The following RAB36 variants were observed in gnomAD, a reference collection of about 807,000 sequenced individuals.
RAB36 encodes the protein ras-related protein Rab-36.
RAB36 carries 33 observed loss-of-function variants against 39.3 expected under a neutral mutation model. That is an observed-to-expected ratio of 0.84 (90% CI 0.64 to 1.12). RAB36 has a LOEUF of 1.12. RAB36 is among the 50% of genes most tolerant of loss of function. The pLI is 0.00. For synonymous variants in RAB36, 133 were observed against 140.2 expected, an observed-to-expected ratio of 0.95 and a Z score of 0.36; for missense variants, 308 against 355.3, an observed-to-expected ratio of 0.87 and a Z score of 1.07.
At chr22:23,147,455 G>A (rs1040168082) in intron 2 of RAB36, among the ~76,000 whole-genome samples, 3 of 151,852 alleles carry the variant, frequency 2.0e-5, no homozygotes, top group African/African-American at 7.3e-5. Context: ...TCAGCCTCCC[G>A]GAGTAGCTAG....
chr22:23,145,527 G>A lies in RAB36; in HGVS notation c.-37G>A. On this transcript the variant is annotated 5_prime_UTR_variant, in exon 1 of 11. Transcript: ENST00000263116. ...GCTCAGGCGGACCAGGCCGCGCGGA[G>A]CCCCAGCTTTCACAGCCATCGCTGG... 6.2e-7 allele frequency: 1 copy of A among 1,603,404 alleles called. No homozygotes were observed. The highest frequency in any genetic ancestry group is 8.5e-7 in the Non-Finnish European group (1 of 1,179,388).
intron 7 of RAB36, among the ~76,000 whole-genome samples, chr22:23,158,576 C>T (rs780865053): frequency 7.9e-5 from 12 of 152,208 alleles, no homozygotes; most frequent in Non-Finnish European, 1.5e-4. Context: ...CTTCCAAACC[C>T]CGTGAGGGAG....
intron 5 of RAB36, among the ~76,000 whole-genome samples, chr22:23,155,629 A>G (rs1295107968): frequency 6.6e-6 from 1 of 152,238 alleles, no homozygotes; most frequent in Non-Finnish European, 1.5e-5. Flanking sequence ...GTGGACTGCT[A>G]CATCTTCAGA....
At chr22:23,150,030 G>A (rs1319390295) in intron 2 of RAB36, 33 bp from the exon 3 acceptor site, 1 of 1,534,476 alleles carries the variant, frequency 6.5e-7, no homozygotes, top group Non-Finnish European at 8.9e-7. Context: ...CAGCTTTGCA[G>A]GATGATGTGT....
chr22:23,153,444 A>T, intron 5 of RAB36: 1 of 428,032 alleles, frequency 2.3e-6, no homozygotes, highest in Non-Finnish European at 3.1e-6. Context: ...TCCCTGACCT[A>T]GGCCTCCTGT....
Position 23,161,646 on chromosome 22 carries a change from C to A in RAB36, c.*82C>A. ...TGACTGTGGTGTGGAGACTGGAGCC[C>A]AAGCTCTGCAGCGTGTCGCCCTCAA... On this transcript the variant is annotated 3_prime_UTR_variant, in exon 11 of 11. Coordinates refer to ENST00000263116, the MANE Select transcript of RAB36 (RefSeq NM_004914.5). 8.1e-7 allele frequency: 1 copy of A among 1,236,588 alleles called. No individual in the cohort carries two copies. The highest frequency in any genetic ancestry group is 1.4e-5 in the South Asian group (1 of 73,832). The allele number at this position is 1,236,588 out of a possible 1,614,324, so 76.6% of individuals were successfully genotyped here.
intron 5 of RAB36, 112 bp downstream of exon 5, chr22:23,153,246 C>A: frequency 1.2e-6 from 1 of 822,008 alleles, no homozygotes; most frequent in Non-Finnish European, 2.0e-6. Context: ...TCTAGACAAG[C>A]AGAGCCTGGG....
At chr22:23,145,652 T>C in intron 1 of RAB36, 101 bp downstream of exon 1, 1 of 1,302,164 alleles carries the variant, frequency 7.7e-7, no homozygotes, top group Admixed American at 2.4e-5. Context: ...CCGCGCCCAC[T>C]TCCCGCCCCT....
At chr22:23,168,456 G>A (rs1419065856), downstream of RAB36, among the ~76,000 whole-genome samples, 1 of 152,128 alleles carries the variant, frequency 6.6e-6, no homozygotes. Context: ...AGGGAGAAGC[G>A]GCTCCTGGAG....
At chr22:23,168,924 C>T (rs567290361), downstream of RAB36, among the ~76,000 whole-genome samples, 21 of 152,320 alleles carry the variant, frequency 1.4e-4, no homozygotes, top group Non-Finnish European at 2.1e-4. Context: ...CCTGAGGGTA[C>T]ACTAGGCCTC....
downstream of RAB36, among the ~76,000 whole-genome samples, chr22:23,166,654 C>T (rs2072057078): frequency 6.6e-6 from 1 of 152,142 alleles, no homozygotes; most frequent in Non-Finnish European, 1.5e-5. Context: ...ATCCCCAGCA[C>T]CAGCCTACTA....
At chr22:23,167,313 C>A (rs1479602447), downstream of RAB36, among the ~76,000 whole-genome samples, 1 of 152,230 alleles carries the variant, frequency 6.6e-6, no homozygotes, top group East Asian at 1.9e-4. Context: ...CCCTTCACTG[C>A]CGCTCCCTGC....
At chr22:23,159,073 A>G in intron 8 of RAB36, 90 bp from the exon 9 acceptor site, 2 of 1,588,166 alleles carry the variant, frequency 1.3e-6, no homozygotes, top group Non-Finnish European at 1.7e-6. Flanking sequence ...GGAGGGAGGC[A>G]GCACAGTGGG....
chr22:23,159,966 G>A (rs1387505067), intron 9 of RAB36, among the ~76,000 whole-genome samples: 1 of 152,190 alleles, frequency 6.6e-6, no homozygotes, highest in East Asian at 1.9e-4. Flanking sequence ...TATTTACTGA[G>A]GAAAACAGAA....
In RAB36 at chr22:23,163,650, C is replaced by T. The variant is rs953895232; in HGVS notation, c.*2086C>T. ...AGCTGCGCCCCTGAAGTGTCTCCAG[C>T]AGAAGAGATGGATGAATGGAAGGAC... On this transcript the variant is annotated 3_prime_UTR_variant, in exon 11 of 11. Coordinates refer to ENST00000263116, the MANE Select transcript of RAB36 (RefSeq NM_004914.5). 2.0e-5 allele frequency: 3 copies of T among 149,380 alleles called. No individual in the cohort carries two copies. The highest frequency in any genetic ancestry group is 4.9e-5 in the African/African-American group (2 of 40,898). 9.3% of individuals were successfully genotyped at this position (149,380 alleles called of 1,614,324 possible). A position where few individuals can be genotyped will look rare whatever the true frequency, so the allele number is the denominator to read the frequency against.
rs1220837903 is a variant in RAB36 at position 23,165,546 on chromosome 22, T to C, written c.*3982T>C. Among the ~76,000 whole-genome samples, 1 of 152,258 alleles carries C rather than the reference T, an allele frequency of 6.6e-6. No homozygotes were observed. The highest frequency in any genetic ancestry group is 1.5e-5 in the Non-Finnish European group (1 of 68,044). On this transcript the variant is annotated 3_prime_UTR_variant, in exon 11 of 11. Transcript: ENST00000263116. The stretch of plus-strand genomic sequence containing the variant: ...CACTTCATGCCAGCTAGAGAGGCTC[T>C]GGGCACAGGAAAGAATTGGACTTCG...
Position 23,161,603 on chromosome 22 carries a change from C to A in RAB36, c.*39C>A. The A allele has an allele frequency of 1.3e-6, 2 of 1,511,988 alleles. No homozygotes were observed. The highest frequency in any genetic ancestry group is 1.8e-6 in the Non-Finnish European group (2 of 1,104,340). 93.7% of individuals were successfully genotyped at this position (1,511,988 alleles called of 1,614,324 possible). A position where few individuals can be genotyped will look rare whatever the true frequency, so the allele number is the denominator to read the frequency against. ...GGAAGGCCTCCGCTCCCTGCACACACACGGACAGGAATTTCCGTGACTGTG... is the reference window on the plus strand; with the variant it reads ...GGAAGGCCTCCGCTCCCTGCACACAAACGGACAGGAATTTCCGTGACTGTG... On this transcript the variant is annotated 3_prime_UTR_variant, in exon 11 of 11. Transcript: ENST00000263116.
chr22:23,150,576 C>T (rs918593429), intron 3 of RAB36, among the ~76,000 whole-genome samples: 1 of 152,152 alleles, frequency 6.6e-6, no homozygotes, highest in African/African-American at 2.4e-5. Flanking sequence ...GCTGGGATTA[C>T]AGGTGTGAGC....
intron 6 of RAB36, among the ~76,000 whole-genome samples, chr22:23,157,083 C>A (rs2071493844): frequency 6.6e-6 from 1 of 152,178 alleles, no homozygotes; most frequent in African/African-American, 2.4e-5. Flanking sequence ...CTCAGGACCC[C>A]AACAGGACCG....
Sources: allele counts gnomAD v4.1 joint callset (sites outside exome capture counted in the v4.1 genomes callset), GRCh38; gene constraint gnomAD v4.1.1; transcripts MANE v1.5; gene names NCBI Gene and HGNC (gene_info 2026-07-23, HGNC 2026-07-21).